TTC8: variants seen among roughly 807,000 people sequenced by gnomAD.
TTC8 encodes tetratricopeptide repeat domain 8, also known as tetratricopeptide repeat protein 8.
Under a neutral mutation model 72.5 loss-of-function variants are expected in TTC8, and 47 were observed. That is an observed-to-expected ratio of 0.65 (90% CI 0.51 to 0.83). The LOEUF is 0.83. Among genes scored for constraint, TTC8 ranks in the 40% least tolerant of loss-of-function variants. TTC8 has a pLI of 0.00. For synonymous variants in TTC8, 199 were observed against 221.4 expected, an observed-to-expected ratio of 0.90 and a Z score of 0.90; for missense variants, 611 against 623.2, an observed-to-expected ratio of 0.98 and a Z score of 0.21.
At chr14:88,843,162 G>T (rs2094789957) in intron 6 of TTC8, among the ~76,000 whole-genome samples, 2 of 152,082 alleles carry the variant, frequency 1.3e-5, no homozygotes, top group Admixed American at 1.3e-4. Context: ...ATTGTTCTTA[G>T]CCCTGGCTGT....
intron 13 of TTC8, among the ~76,000 whole-genome samples, chr14:88,873,978 T>A (rs1391520420): frequency 2.6e-5 from 4 of 152,222 alleles, no homozygotes; most frequent in African/African-American, 9.6e-5. Context: ...CTTTATTGCA[T>A]AAATTCTCCC....
chr14:88,870,988 T>A (rs2094931256), intron 11 of TTC8, among the ~76,000 whole-genome samples: 1 of 152,174 alleles, frequency 6.6e-6, no homozygotes. Context: ...TAATTATGCA[T>A]AGAAGCAAAT....
At chr14:88,866,642 T>C (rs538410757) in intron 10 of TTC8, among the ~76,000 whole-genome samples, 1 of 152,234 alleles carries the variant, frequency 6.6e-6, no homozygotes, top group East Asian at 1.9e-4. Context: ...TGACACCTAT[T>C]TGGAAGAACT....
At chr14:88,861,092 C>T in intron 9 of TTC8, 130 bp from the exon 10 acceptor site, 1 of 724,874 alleles carries the variant, frequency 1.4e-6, no homozygotes, top group Non-Finnish European at 2.3e-6. Context: ...GTGTGAGCCA[C>T]CACACCCGGC....
chr14:88,863,626 G>C (rs1005916641), intron 10 of TTC8, among the ~76,000 whole-genome samples: 1 of 152,218 alleles, frequency 6.6e-6, no homozygotes, highest in Non-Finnish European at 1.5e-5. Context: ...ATCATCTGGG[G>C]AAATTTCATA....
chr14:88,872,964 T>G (rs1204760785), intron 13 of TTC8, among the ~76,000 whole-genome samples: 1 of 152,200 alleles, frequency 6.6e-6, no homozygotes, highest in African/African-American at 2.4e-5. Flanking sequence ...TAGCTGGTCT[T>G]TTTGTTTCCA....
At chr14:88,875,162 G>A (rs1322353388) in intron 14 of TTC8, 53 bp downstream of exon 14, 1 of 1,451,354 alleles carries the variant, frequency 6.9e-7, no homozygotes, top group Non-Finnish European at 9.5e-7. Flanking sequence ...TTTTTTCTTT[G>A]TTTTAAAAAA....
chr14:88,861,144 T>C, intron 9 of TTC8, 78 bp from the exon 10 acceptor site: 1 of 1,086,332 alleles, frequency 9.2e-7, no homozygotes, highest in South Asian at 1.4e-5. Context: ...AATTTGTTAC[T>C]AATCAATAAT....
At position 88,843,826 on chromosome 14, in the gene TTC8, T is replaced by G. The variant is rs1359136594; in HGVS notation, c.600T>G (p.Phe200Leu). ...KLAKALFEYI[F>L]HHENDVKTAL... ...CACAGGCTTTGTTTGAGTATATCTT[T>G]CATCATGAAAATGATGTTAAGACTG... Residue 200 changes from phenylalanine (F) to leucine (L), a missense_variant, in exon 7 of 15, where the codon TTT becomes TTG. Transcript: ENST00000380656. 6.3e-7 allele frequency: 1 copy of G among 1,597,464 alleles called. No individual in the cohort carries two copies. Among genetic ancestry groups the G allele is most frequent in the African/African-American group, 1.3e-5 (1 of 74,702 alleles).
At chr14:88,855,501 A>C (rs1335003175) in intron 8 of TTC8, among the ~76,000 whole-genome samples, 9 of 152,182 alleles carry the variant, frequency 5.9e-5, no homozygotes, top group Admixed American at 5.9e-4. Context: ...CCTTTTTGAT[A>C]GTATTAGATT....
At chr14:88,863,986 G>A (rs2141021711) in intron 10 of TTC8, among the ~76,000 whole-genome samples, 1 of 151,996 alleles carries the variant, frequency 6.6e-6, no homozygotes, top group East Asian at 1.9e-4. Context: ...TACTGCTTAG[G>A]GCTTCCAATA....
rs375086490 is a variant in TTC8 at position 88,861,297 on chromosome 14, G to A, written c.874G>A (p.Val292Ile). The A allele has an allele frequency of 1.3e-5, 21 of 1,612,550 alleles. No individual in the cohort carries two copies. The African/African-American group carries it at 2.4e-4, about 18-fold the overall frequency. Residue 292 changes from valine to isoleucine, a missense_variant, in exon 10 of 15, where the codon GTA (valine) becomes ATA (isoleucine). Val to Ile is a conservative substitution (Grantham distance 29). Coordinates refer to ENST00000380656, the MANE Select transcript of TTC8 (RefSeq NM_144596.4). ...KQGLDKFPGEVTLLCGIARIY... is the reference protein window; with the variant it reads ...KQGLDKFPGEITLLCGIARIY... ...AGGCTTAGATAAGTTTCCAGGAGAAGTAACCCTGCTCTGTGGAATTGCAAG... is the reference window on the plus strand; with the variant it reads ...AGGCTTAGATAAGTTTCCAGGAGAAATAACCCTGCTCTGTGGAATTGCAAG...
chr14:88,875,851 G>A (rs1462315807), intron 14 of TTC8, among the ~76,000 whole-genome samples: 1 of 152,160 alleles, frequency 6.6e-6, no homozygotes, highest in Non-Finnish European at 1.5e-5. Context: ...TTGAGCACCT[G>A]TAAGTACCAG....
At position 88,851,885 on chromosome 14, in the gene TTC8, A is replaced by G. The variant is rs79644022; in HGVS notation, c.625-1086A>G. ...CCCCTGGAGCAAGAGAAGATGGGGA[A>G]CACAAGGAAAAATAATTAATTATAC... On this transcript the variant is annotated intron_variant, in intron 7 of 14. Transcript: ENST00000380656. Among the ~76,000 whole-genome samples the G allele has an allele frequency of 6.3e-3, 964 of 152,292 alleles. 13 individuals carry two copies. The highest frequency in any genetic ancestry group is 0.022 in the African/African-American group (932 of 41,566).
At chr14:88,857,549 A>G (rs2094862500) in intron 9 of TTC8, among the ~76,000 whole-genome samples, 1 of 152,190 alleles carries the variant, frequency 6.6e-6, no homozygotes, top group South Asian at 2.1e-4. Flanking sequence ...CACTACTCGC[A>G]TAGGTAACAG....
At chr14:88,832,212 G>A (rs778567012) in intron 1 of TTC8, among the ~76,000 whole-genome samples, 15 of 152,288 alleles carry the variant, frequency 9.8e-5, no homozygotes, top group East Asian at 1.9e-4. Flanking sequence ...CAGAGAGATC[G>A]CGGAGACTTT....
At position 88,871,464 on chromosome 14, in the gene TTC8, T is replaced by C; in HGVS notation, c.1050-85T>C. On this transcript the variant is annotated intron_variant, in intron 11 of 14. Coordinates refer to ENST00000380656, the MANE Select transcript of TTC8 (RefSeq NM_144596.4). The surrounding 1 kb of genome is among the most constrained non-coding windows in gnomAD (Gnocchi z 4.1). ...CAAAAATCACAAGATGAATTCATTTTTAACTGTGTAAAATATATATATATA... is the reference window on the plus strand; with the variant it reads ...CAAAAATCACAAGATGAATTCATTTCTAACTGTGTAAAATATATATATATA... 1 of 1,209,350 alleles carries C rather than the reference T, an allele frequency of 8.3e-7. No homozygotes were observed. Among genetic ancestry groups the C allele is most frequent in the East Asian group, 2.5e-5 (1 of 39,256 alleles). 74.9% of individuals were successfully genotyped at this position (1,209,350 alleles called of 1,614,324 possible). A position where few individuals can be genotyped will look rare whatever the true frequency, so the allele number is the denominator to read the frequency against.
intron 7 of TTC8, among the ~76,000 whole-genome samples, chr14:88,848,160 A>G (rs970286603): frequency 6.7e-6 from 1 of 148,900 alleles, no homozygotes; most frequent in Non-Finnish European, 1.5e-5. Context: ...GCTGATCTTA[A>G]TTTTTGAAAA....
chr14:88,850,451 G>A (rs755924449), intron 7 of TTC8, among the ~76,000 whole-genome samples: 5 of 152,202 alleles, frequency 3.3e-5, no homozygotes, highest in African/African-American at 9.7e-5. Context: ...CACTTTGGGA[G>A]GCTGAGGCAG....
Sources: allele counts gnomAD v4.1 joint callset (sites outside exome capture counted in the v4.1 genomes callset), GRCh38; gene constraint gnomAD v4.1.1; non-coding constraint Gnocchi (gnomAD v3.1); transcripts MANE v1.5; gene names NCBI Gene and HGNC (gene_info 2026-07-23, HGNC 2026-07-21).